Variants in VEGFC observed in about 807,000 individuals in gnomAD.
VEGFC encodes the protein vascular endothelial growth factor C.
VEGFC carries 12 observed loss-of-function variants against 46.1 expected under a neutral mutation model. That is an observed-to-expected ratio of 0.26 (90% CI 0.17 to 0.42). The LOEUF is 0.42. Among genes scored for constraint, VEGFC ranks in the 10% least tolerant of loss-of-function variants. The pLI is 1.00. For synonymous variants in VEGFC, 232 were observed against 195.5 expected (o/e 1.19, Z -1.56); for missense variants, 488 against 529.4 (o/e 0.92, Z 0.77).
At chr4:176,790,226 T>C (rs757930017) in intron 1 of VEGFC, among the ~76,000 whole-genome samples, 4 of 152,220 alleles carry the variant, frequency 2.6e-5, no homozygotes, top group Non-Finnish European at 4.4e-5. Context: ...AGCAATGAAA[T>C]ACTGCTTTGT....
At chr4:176,770,982 A>ACACACACACACACACACC (rs1735712153) in intron 1 of VEGFC, among the ~76,000 whole-genome samples, 1 of 149,726 alleles carries the variant, frequency 6.7e-6, no homozygotes, top group African/African-American at 2.5e-5. Flanking sequence ...TAACTGATAC[A>ACACACACACACACACACC]CACACACACA....
intron 3 of VEGFC, among the ~76,000 whole-genome samples, chr4:176,726,694 A>T (rs1469457370): frequency 6.6e-6 from 1 of 152,216 alleles, no homozygotes; most frequent in Non-Finnish European, 1.5e-5. Flanking sequence ...TGGAATTGAG[A>T]TAGTAATCTT....
At chr4:176,790,521 T>C (rs997448266) in intron 1 of VEGFC, among the ~76,000 whole-genome samples, 25 of 79,482 alleles carry the variant, frequency 3.1e-4, no homozygotes, top group African/African-American at 7.0e-4. Flanking sequence ...TACCTATACA[T>C]AACACACGTA....
chr4:176,694,202 A>C (rs974218170), intron 4 of VEGFC, among the ~76,000 whole-genome samples: 3 of 151,496 alleles, frequency 2.0e-5, no homozygotes, highest in Admixed American at 2.0e-4. Flanking sequence ...ATAAAGAGTC[A>C]AGACCCATCA....
chr4:176,746,823 G>T (rs1308705512), intron 1 of VEGFC, among the ~76,000 whole-genome samples: 1 of 151,968 alleles, frequency 6.6e-6, no homozygotes, highest in African/African-American at 2.4e-5. Flanking sequence ...ATTTATCAAA[G>T]GTCGCCATCC....
intron 1 of VEGFC, among the ~76,000 whole-genome samples, chr4:176,750,452 G>A (rs898005346): frequency 2.6e-5 from 4 of 151,356 alleles, no homozygotes; most frequent in Non-Finnish European, 5.9e-5. Flanking sequence ...TATATATGTA[G>A]TAATACTAAT....
At chr4:176,688,782 C>T (rs905459719) in intron 4 of VEGFC, among the ~76,000 whole-genome samples, 5 of 152,236 alleles carry the variant, frequency 3.3e-5, no homozygotes, top group Non-Finnish European at 5.9e-5. Context: ...CATGAGCCCT[C>T]TCTGGGGTGA....
At chr4:176,693,886 A>G (rs536411572) in intron 4 of VEGFC, among the ~76,000 whole-genome samples, 24 of 151,658 alleles carry the variant, frequency 1.6e-4, no homozygotes, top group Non-Finnish European at 2.9e-4. Flanking sequence ...TAAGCTTCAT[A>G]TAAGTGAAGG....
chr4:176,691,714 TA>T (rs1426911185), intron 4 of VEGFC, among the ~76,000 whole-genome samples: 2 of 152,216 alleles, frequency 1.3e-5, no homozygotes, highest in Non-Finnish European at 2.9e-5. Context: ...TTTGAAATAT[TA>T]AAAGATAAAT....
intron 1 of VEGFC, among the ~76,000 whole-genome samples, chr4:176,760,831 C>T (rs28611324): frequency 6.6e-6 from 1 of 152,000 alleles, no homozygotes. Flanking sequence ...CGAAGAAATG[C>T]GATATTGAGG....
intron 1 of VEGFC, among the ~76,000 whole-genome samples, chr4:176,743,113 A>C (rs1406756196): frequency 6.6e-6 from 1 of 152,036 alleles, no homozygotes; most frequent in Admixed American, 6.6e-5. Flanking sequence ...GAACAGATCA[A>C]GTGAGAGAGT....
chr4:176,784,072 T>TTTTG (rs1560966747), intron 1 of VEGFC, among the ~76,000 whole-genome samples: 28 of 149,636 alleles, frequency 1.9e-4, no homozygotes, highest in South Asian at 1.3e-3. Context: ...TGTTTTTTTT[T>TTTTG]TTTTTTTTTT....
At chr4:176,791,028 G>A (rs1436144745) in intron 1 of VEGFC, among the ~76,000 whole-genome samples, 4 of 152,066 alleles carry the variant, frequency 2.6e-5, no homozygotes, top group Non-Finnish European at 5.9e-5. Context: ...AAGGTAGTTT[G>A]ATTTCCAAAA....
intron 1 of VEGFC, among the ~76,000 whole-genome samples, chr4:176,781,218 CAGAG>C (rs1405753668): frequency 2.0e-5 from 3 of 152,138 alleles, no homozygotes; most frequent in Admixed American, 6.5e-5. Context: ...ATCTAGGACT[CAGAG>C]AGAACAAACA....
intron 1 of VEGFC, among the ~76,000 whole-genome samples, chr4:176,780,519 T>C (rs1735898049): frequency 6.6e-6 from 1 of 152,158 alleles, no homozygotes; most frequent in South Asian, 2.1e-4. Context: ...TAGCTGTACA[T>C]ATATTAATTT....
intron 4 of VEGFC, chr4:176,689,699 T>A (rs1734114104): frequency 6.6e-6 from 1 of 152,320 alleles, no homozygotes; most frequent in Non-Finnish European, 1.5e-5. Flanking sequence ...CTTTTATTTA[T>A]TTTAATTTTG....
chr4:176,738,836 G>T (rs1219442235), intron 1 of VEGFC, among the ~76,000 whole-genome samples: 1 of 151,446 alleles, frequency 6.6e-6, no homozygotes, highest in Non-Finnish European at 1.5e-5. Flanking sequence ...AGTCTACAAG[G>T]AACTTAAATT....
intron 1 of VEGFC, among the ~76,000 whole-genome samples, chr4:176,732,949 C>A (rs1734992239): frequency 6.6e-6 from 1 of 151,750 alleles, no homozygotes. Context: ...ATCAAAAACA[C>A]AAACATGGAC....
intron 1 of VEGFC, among the ~76,000 whole-genome samples, chr4:176,751,158 A>C (rs1735336017): frequency 6.6e-6 from 1 of 151,908 alleles, no homozygotes; most frequent in Non-Finnish European, 1.5e-5. Context: ...GATTTAATCA[A>C]AGCAACAGTA....
Sources: gnomAD v4.1 joint callset for allele counts (sites outside exome capture counted in the v4.1 genomes callset) on GRCh38, gnomAD v4.1.1 for gene constraint, MANE v1.5 for transcripts, NCBI Gene and HGNC (gene_info 2026-07-23, HGNC 2026-07-21) for gene names.